Variants in LRP1B observed in about 807,000 individuals in gnomAD.
The protein encoded by LRP1B is low-density lipoprotein receptor-related protein 1B.
A neutral mutation model predicts 556.6 loss-of-function variants in LRP1B; 217 were observed. The observed-to-expected ratio is 0.39, with a 90% CI of 0.35 to 0.44. The LOEUF (loss-of-function observed/expected upper bound fraction) is 0.44. Ranked by LOEUF, LRP1B falls within the 20% of genes least tolerant of loss-of-function variation. The pLI is 1.00. For synonymous variants in LRP1B, 2,047 were observed against 1,865.8 expected (o/e 1.10, Z -2.50); for missense variants, 5,053 against 5,620.8 (o/e 0.90, Z 3.23).
intron 32 of LRP1B, among the ~76,000 whole-genome samples, chr2:140,807,245 T>C (rs2105021993): frequency 6.6e-6 from 1 of 152,326 alleles, no homozygotes; most frequent in Middle Eastern, 3.4e-3. Context: ...GCTGACTGTA[T>C]ACTATTTTAT....
rs1688424181 is a variant in LRP1B at position 140,485,406 on chromosome 2, G to C, written c.9362C>G (p.Pro3121Arg). ...IEVSKLNGLY[P>R]TILVSKRLKF... ...CAGCCTTTTGCTAACGAGTATAGTA[G>C]GGTACAAGCCATTGAGTTTGGATAC... The change falls in exon 59 of 91, where the codon CCT becomes CGT. Residue 3121 changes from proline to arginine, a missense_variant. Physicochemically the swap from Pro to Arg is moderately radical, Grantham distance 103 (BLOSUM62 -2). Transcript: ENST00000389484. 6.2e-7 allele frequency: 1 copy of C among 1,613,750 alleles called. No homozygotes were observed. Among genetic ancestry groups the C allele is most frequent in the African/African-American group, 1.3e-5 (1 of 74,900 alleles).
chr2:141,720,468 A>G lies in LRP1B; in HGVS notation c.205+89811T>C, dbSNP rs932809683. Among the ~76,000 whole-genome samples, 12 of 152,136 alleles carry G rather than the reference A, an allele frequency of 7.9e-5. 1 individual carries two copies. The highest frequency in any genetic ancestry group is 6.3e-3 in the Middle Eastern group (2 of 316). ...GAAATGAGGTTGCTGCTATCCTCAT[A>G]TAGTAGACAGAAAATGTCTCTAATC... On this transcript the variant is annotated intron_variant, in intron 2 of 90. Transcript: ENST00000389484.
chr2:140,726,272 A>C (rs1687590654), intron 35 of LRP1B, among the ~76,000 whole-genome samples: 1 of 152,104 alleles, frequency 6.6e-6, no homozygotes, highest in African/African-American at 2.4e-5. Context: ...AGGATATCAG[A>C]TTTGGGGCTA....
At chr2:141,765,071 G>A (rs901430017) in intron 2 of LRP1B, among the ~76,000 whole-genome samples, 6 of 149,132 alleles carry the variant, frequency 4.0e-5, no homozygotes, top group Non-Finnish European at 8.9e-5. Context: ...CTGAAAGAAT[G>A]AGGCCAAGGC....
chr2:141,526,905 A>C (rs189172347), intron 2 of LRP1B, among the ~76,000 whole-genome samples: 2 of 152,070 alleles, frequency 1.3e-5, no homozygotes, highest in East Asian at 1.9e-4. Context: ...GTATGTGTAC[A>C]TTTTTGGTTT....
intron 1 of LRP1B, among the ~76,000 whole-genome samples, chr2:141,984,553 A>C (rs1254124400): frequency 6.6e-6 from 1 of 152,104 alleles, no homozygotes; most frequent in Non-Finnish European, 1.5e-5. Flanking sequence ...TAGCCTGATA[A>C]TCATATCTTT....
At chr2:141,885,297 T>C (rs1027301998) in intron 1 of LRP1B, among the ~76,000 whole-genome samples, 3 of 152,156 alleles carry the variant, frequency 2.0e-5, no homozygotes, top group African/African-American at 7.2e-5. Context: ...AGAGATGAGC[T>C]GCTGATGTAG....
chr2:141,477,705 G>A (rs1329816604), intron 3 of LRP1B, among the ~76,000 whole-genome samples: 4 of 152,046 alleles, frequency 2.6e-5, no homozygotes. Flanking sequence ...TTGATTCTAG[G>A]ATGACTATAT....
chr2:140,742,354 T>A (rs1162194196), intron 35 of LRP1B, among the ~76,000 whole-genome samples: 1 of 152,172 alleles, frequency 6.6e-6, no homozygotes, highest in Non-Finnish European at 1.5e-5. Flanking sequence ...TCTCTCATGT[T>A]TAGTTCTAAT....
intron 1 of LRP1B, among the ~76,000 whole-genome samples, chr2:141,963,831 T>A (rs1307000364): frequency 2.1e-5 from 3 of 144,912 alleles, no homozygotes; most frequent in Admixed American, 7.0e-5. Flanking sequence ...ACATGATTGT[T>A]TATCTAGAAA....
chr2:141,781,608 T>C (rs1695257188), intron 2 of LRP1B, among the ~76,000 whole-genome samples: 3 of 152,238 alleles, frequency 2.0e-5, no homozygotes, highest in African/African-American at 7.2e-5. Context: ...AGCATTTGTT[T>C]GAACTTCGGC....
chr2:140,898,655 G>A, intron 23 of LRP1B: 1 of 432,818 alleles, frequency 2.3e-6, no homozygotes, highest in East Asian at 6.7e-5. Flanking sequence ...TCTGCCTAAT[G>A]AGATTATGCA....
At chr2:141,032,990 G>C (rs1463035305) in intron 11 of LRP1B, among the ~76,000 whole-genome samples, 1 of 151,866 alleles carries the variant, frequency 6.6e-6, no homozygotes, top group Non-Finnish European at 1.5e-5. Context: ...CACAGCAAGG[G>C]GCCAGGCAGC....
intron 2 of LRP1B, among the ~76,000 whole-genome samples, chr2:141,634,836 T>C (rs1408816368): frequency 6.6e-6 from 1 of 151,962 alleles, no homozygotes; most frequent in Non-Finnish European, 1.5e-5. Flanking sequence ...GACTGGACCA[T>C]TGATTTTTCC....
chr2:141,200,474 C>T (rs1681962699), intron 6 of LRP1B, among the ~76,000 whole-genome samples: 2 of 152,114 alleles, frequency 1.3e-5, no homozygotes, highest in Non-Finnish European at 2.9e-5. Flanking sequence ...TCAGACATTA[C>T]TTAGCCCTCA....
intron 2 of LRP1B, among the ~76,000 whole-genome samples, chr2:141,664,369 A>C (rs1440630779): frequency 6.6e-6 from 1 of 152,190 alleles, no homozygotes; most frequent in African/African-American, 2.4e-5. Context: ...GCAATCAGAC[A>C]AGAGAAAGAA....
intron 1 of LRP1B, among the ~76,000 whole-genome samples, chr2:142,128,385 G>A (rs562948128): frequency 6.6e-6 from 1 of 152,256 alleles, no homozygotes; most frequent in East Asian, 1.9e-4. Context: ...TGCCTGTTCT[G>A]TTATTCAAGG....
At chr2:141,177,086 G>A (rs537455635) in intron 7 of LRP1B, among the ~76,000 whole-genome samples, 170 of 152,112 alleles carry the variant, frequency 1.1e-3, no homozygotes, top group African/African-American at 3.3e-3. Flanking sequence ...CAGAACTGAT[G>A]TATGGCACCA....
chr2:140,748,403 T>TAA (rs1359460719), intron 35 of LRP1B, among the ~76,000 whole-genome samples: 2 of 52,394 alleles, frequency 3.8e-5, no homozygotes, highest in African/African-American at 6.6e-5. Flanking sequence ...TATTCATATA[T>TAA]TATATTCATA....
Sources: gnomAD v4.1 joint callset for allele counts (sites outside exome capture counted in the v4.1 genomes callset) on GRCh38, gnomAD v4.1.1 for gene constraint, MANE v1.5 for transcripts, NCBI Gene and HGNC (gene_info 2026-07-23, HGNC 2026-07-21) for gene names.